Variants in FPR2 observed in about 807,000 individuals in gnomAD.
FPR2 encodes formyl peptide receptor 2.
In FPR2, 3 loss-of-function variants were observed where a neutral mutation model predicts 4.0. The ratio of observed to expected loss-of-function variants is 0.74; its 90% confidence interval spans 0.34 to 1.92. FPR2 has a LOEUF of 1.92. FPR2 is among the 30% of genes most tolerant of loss of function. FPR2 has a pLI of 0.07. For synonymous variants in FPR2, 179 were observed against 171.5 expected, an observed-to-expected ratio of 1.04 and a Z score of -0.34; for missense variants, 372 against 435.7, an observed-to-expected ratio of 0.85 and a Z score of 1.30.
At position 51,768,733 on chromosome 19, in the gene FPR2, G is replaced by A. The variant is rs2083881317; in HGVS notation, c.75G>A (p.Leu25=). Residue 25 remains leucine (L), a synonymous_variant, in exon 2 of 2, where the codon CTG becomes CTA. Transcript: ENST00000340023. ...ATGAGTCTGCTGGCTACACTGTTCT[G>A]CGGATCCTCCCATTGGTGGTGCTTG... The part of the protein sequence containing the change: ...VSYESAGYTV[L]RILPLVVLGV... The A allele has an allele frequency of 6.2e-7, 1 of 1,614,004 alleles. No individual in the cohort carries two copies.
At chr19:51,766,957 G>A (rs59546961) in intron 1 of FPR2, among the ~76,000 whole-genome samples, 1 of 151,962 alleles carries the variant, frequency 6.6e-6, no homozygotes, top group Non-Finnish European at 1.5e-5. Flanking sequence ...AAGTTCAGGG[G>A]TATATGTGCA....
chr19:51,765,170 T>C (rs1481761997), intron 1 of FPR2, among the ~76,000 whole-genome samples: 2 of 152,324 alleles, frequency 1.3e-5, no homozygotes, highest in Admixed American at 6.5e-5. Flanking sequence ...GGATAGATCA[T>C]GTCTTCTAAG....
chr19:51,764,033 A>G (rs547865797), intron 1 of FPR2, among the ~76,000 whole-genome samples: 1 of 152,324 alleles, frequency 6.6e-6, no homozygotes, highest in South Asian at 2.1e-4. Flanking sequence ...TGTTGGGATT[A>G]CAGGTGTGAG....
In FPR2 at chr19:51,769,201, A is replaced by G. The variant is rs774306213; in HGVS notation, c.543A>G (p.Ala181=). ...ACACATACTGTACTTTCAACTTTGC[A>G]TCCTGGGGTGGCACCCCTGAGGAGA... ...NGDTYCTFNF[A]SWGGTPEERL... Residue 181 remains alanine, a synonymous_variant, in exon 2 of 2, where the codon GCA becomes GCG. Coordinates refer to ENST00000340023, the MANE Select transcript of FPR2 (RefSeq NM_001005738.2). This position sits in a 1 kb window ranked among gnomAD's most constrained non-coding sequence, Gnocchi z 4.4. The G allele has an allele frequency of 1.9e-6, 3 of 1,614,144 alleles. No homozygotes were observed. Among genetic ancestry groups the G allele is most frequent in the Non-Finnish European group, 1.7e-6 (2 of 1,180,040 alleles).
At chr19:51,766,727 G>A (rs923334177) in intron 1 of FPR2, among the ~76,000 whole-genome samples, 4 of 152,030 alleles carry the variant, frequency 2.6e-5, no homozygotes, top group Non-Finnish European at 5.9e-5. Flanking sequence ...AGAAGTCCCC[G>A]GGCCATGAAT....
At chr19:51,767,169 TGTG>T (rs573559757) in intron 1 of FPR2, among the ~76,000 whole-genome samples, 270 of 152,258 alleles carry the variant, frequency 1.8e-3, no homozygotes, top group African/African-American at 6.3e-3. Context: ...AATGAGAACA[TGTG>T]GTATTTGGTT....
intron 1 of FPR2, chr19:51,762,343 C>T (rs1307486760): frequency 6.6e-6 from 1 of 151,046 alleles, no homozygotes; most frequent in East Asian, 2.0e-4. Context: ...CCACCTCAGC[C>T]TCCCAAAGTG....
At chr19:51,768,607 T>C in intron 1 of FPR2, 38 bp from the exon 2 acceptor site, 6 of 1,488,354 alleles carry the variant, frequency 4.0e-6, no homozygotes, top group South Asian at 3.8e-5. Flanking sequence ...GTAAGATGGT[T>C]CCACAGCTGA....
intron 1 of FPR2, among the ~76,000 whole-genome samples, chr19:51,764,766 A>G (rs567182901): frequency 1.1e-4 from 16 of 152,176 alleles, no homozygotes; most frequent in Non-Finnish European, 1.6e-4. Flanking sequence ...AAAACTTTGC[A>G]ATTTTTGCCT....
chr19:51,763,986 T>C (rs1349151844), intron 1 of FPR2, among the ~76,000 whole-genome samples: 1 of 152,174 alleles, frequency 6.6e-6, no homozygotes, highest in Non-Finnish European at 1.5e-5. Flanking sequence ...CTCAAACTCC[T>C]GGCCTCAAGT....
chr19:51,768,589 C>T, intron 1 of FPR2, 56 bp from the exon 2 acceptor site: 3 of 1,367,636 alleles, frequency 2.2e-6, no homozygotes, highest in Non-Finnish European at 3.0e-6. Context: ...GCTATAAATA[C>T]AGATGCTGTA....
rs564241817 is a variant in FPR2, at chr19:51,769,927, A to G, written c.*213A>G. 7 of 573,464 alleles carry G rather than the reference A, an allele frequency of 1.2e-5. No individual in the cohort carries two copies. Among genetic ancestry groups the G allele is most frequent in the South Asian group, 6.7e-5 (3 of 44,626 alleles). 35.5% of individuals were successfully genotyped at this position (573,464 alleles called of 1,614,324 possible). On this transcript the variant is annotated 3_prime_UTR_variant, in exon 2 of 2. Transcript: ENST00000340023. The surrounding 1 kb of genome is among the most constrained non-coding windows in gnomAD (Gnocchi z 4.4). ...ATTTTTTGTTTTTTGACTTCTGCCT[A>G]TACCCTGGGGTAAGTGGAGTTGGGA... is the stretch of plus-strand genomic sequence containing the variant.
chr19:51,761,923 G>A (rs893798703), intron 1 of FPR2, among the ~76,000 whole-genome samples: 1 of 152,140 alleles, frequency 6.6e-6, no homozygotes, highest in African/African-American at 2.4e-5. Flanking sequence ...ATCAGAGCCC[G>A]TTATGGGTGG....
intron 1 of FPR2, among the ~76,000 whole-genome samples, chr19:51,762,085 CT>C (rs373394742): frequency 0.34 from 44,329 of 129,770 alleles, 7,858 homozygotes; most frequent in East Asian, 0.59. Flanking sequence ...TTTATTGGAC[CT>C]TTTTTTTTTT....
intron 1 of FPR2, among the ~76,000 whole-genome samples, chr19:51,767,517 A>G (rs1258088911): frequency 6.6e-6 from 1 of 152,220 alleles, no homozygotes; most frequent in African/African-American, 2.4e-5. Context: ...GATTCTGGTT[A>G]GTGCTAATTA....
rs1181203136 is a variant in FPR2, at chr19:51,769,466, G to A, written c.808G>A (p.Glu270Lys). 6.2e-7 allele frequency: 1 copy of A among 1,614,066 alleles called. No individual in the cohort carries two copies. Among genetic ancestry groups the A allele is most frequent in the Non-Finnish European group, 8.5e-7 (1 of 1,180,054 alleles). Residue 270 changes from glutamate (E) to lysine (K), a missense_variant, in exon 2 of 2, where the codon GAG becomes AAG. Physicochemically the swap from Glu to Lys is moderately conservative, Grantham distance 56. Coordinates refer to ENST00000340023, the MANE Select transcript of FPR2 (RefSeq NM_001005738.2). This position sits in a 1 kb window ranked among gnomAD's most constrained non-coding sequence, Gnocchi z 4.4. Reference sequence around the variant, plus strand: ...CCTTCTGGGCACCGTCTGGCTCAAAGAGATGTTGTTCTATGGCAAGTACAA... The same window carrying A: ...CCTTCTGGGCACCGTCTGGCTCAAAAAGATGTTGTTCTATGGCAAGTACAA... The part of the protein sequence containing the change: ...VALLGTVWLK[E>K]MLFYGKYKII...
At position 51,768,730 on chromosome 19, in the gene FPR2, T is replaced by G. The variant is rs753649920; in HGVS notation, c.72T>G (p.Val24=). ...CCTATGAGTCTGCTGGCTACACTGT[T>G]CTGCGGATCCTCCCATTGGTGGTGC... is the stretch of plus-strand genomic sequence containing the variant. ...EVSYESAGYT[V]LRILPLVVLG... The change falls in exon 2 of 2, where the codon GTT becomes GTG. Residue 24 remains valine, a synonymous_variant. Transcript: ENST00000340023. 6.2e-7 allele frequency: 1 copy of G among 1,614,198 alleles called. No individual in the cohort carries two copies. The highest frequency in any genetic ancestry group is 8.5e-7 in the Non-Finnish European group (1 of 1,180,032).
At position 51,768,914 on chromosome 19, in the gene FPR2, G is replaced by A. The variant is rs913513284; in HGVS notation, c.256G>A (p.Ala86Thr). The A allele has an allele frequency of 5.6e-6, 9 of 1,614,028 alleles. No homozygotes were observed. Among genetic ancestry groups the A allele is most frequent in the Non-Finnish European group, 7.6e-6 (9 of 1,180,044 alleles). Residue 86 changes from alanine (A) to threonine (T), a missense_variant, in exon 2 of 2, where the codon GCC becomes ACC. Coordinates refer to ENST00000340023, the MANE Select transcript of FPR2 (RefSeq NM_001005738.2). ...ATTACCATTCCTCATTGTCTCCATG[G>A]CCATGGGAGAAAAATGGCCTTTTGG... ...ATLPFLIVSM[A>T]MGEKWPFGWF...
At chr19:51,761,405 G>A (rs747193672) in intron 1 of FPR2, among the ~76,000 whole-genome samples, 175 bp downstream of exon 1, 4 of 152,166 alleles carry the variant, frequency 2.6e-5, no homozygotes, top group Non-Finnish European at 4.4e-5. Flanking sequence ...TATACTTAGT[G>A]TAGTTTAATC....
Sources: allele counts gnomAD v4.1 joint callset (sites outside exome capture counted in the v4.1 genomes callset), GRCh38; gene constraint gnomAD v4.1.1; non-coding constraint Gnocchi (gnomAD v3.1); transcripts MANE v1.5; gene names NCBI Gene and HGNC (gene_info 2026-07-23, HGNC 2026-07-21).